ARL6IP6: variants seen among roughly 807,000 people sequenced by gnomAD.
ARL6IP6 encodes the protein ADP-ribosylation factor-like protein 6-interacting protein 6.
In ARL6IP6, 22 loss-of-function variants were observed where a neutral mutation model predicts 21.5. The ratio of observed to expected loss-of-function variants is 1.02; its 90% confidence interval spans 0.73 to 1.46. The LOEUF (loss-of-function observed/expected upper bound fraction) is 1.46. ARL6IP6 is among the 40% of genes most tolerant of loss of function. ARL6IP6 has a pLI of 0.00. For missense variants in ARL6IP6, 388 were observed against 299.8 expected (o/e 1.29, Z -2.17); for synonymous variants, 164 against 125.3 (o/e 1.31, Z -2.06).
intron 3 of ARL6IP6, among the ~76,000 whole-genome samples, chr2:152,751,814 G>C (rs1701345811): frequency 6.6e-6 from 1 of 152,054 alleles, no homozygotes; most frequent in African/African-American, 2.4e-5. Context: ...CTTGACTATT[G>C]TGAATGGTGC....
intron 3 of ARL6IP6, among the ~76,000 whole-genome samples, chr2:152,746,885 G>GC (rs1701082677): frequency 7.4e-6 from 1 of 134,484 alleles, no homozygotes; most frequent in African/African-American, 2.8e-5. Flanking sequence ...GTGCAGAGTG[G>GC]CACAATCATG....
chr2:152,723,118 G>A (rs1401978520), intron 2 of ARL6IP6, among the ~76,000 whole-genome samples: 1 of 152,104 alleles, frequency 6.6e-6, no homozygotes, highest in Non-Finnish European at 1.5e-5. Context: ...CTAAATCAAC[G>A]CTGAGTTGAT....
In ARL6IP6 at chr2:152,722,921, AG is replaced by A. The variant is rs1405123333; in HGVS notation, c.454+2336del. Reference sequence around the variant, plus strand: ...AGACTCCAACTCAAAACAAAACAAAAGATTGAGGTAATTGTGGCAACACCTG... The same window carrying A: ...AGACTCCAACTCAAAACAAAACAAAAATTGAGGTAATTGTGGCAACACCTG... On this transcript the variant is annotated intron_variant, in intron 2 of 3. Coordinates refer to ENST00000326446, the MANE Select transcript of ARL6IP6 (RefSeq NM_152522.7). 3.9e-5 allele frequency among the ~76,000 whole-genome samples: 6 copies of A among 152,160 alleles called. No individual in the cohort carries two copies. The South Asian group carries it at 6.2e-4, about 16-fold the overall frequency.
At chr2:152,729,983 A>G (rs936701179) in intron 2 of ARL6IP6, among the ~76,000 whole-genome samples, 1 of 152,112 alleles carries the variant, frequency 6.6e-6, no homozygotes, top group African/African-American at 2.4e-5. Flanking sequence ...GGGAGTTACC[A>G]TTTTCTGTGG....
intron 3 of ARL6IP6, among the ~76,000 whole-genome samples, chr2:152,749,314 A>AACACAC (rs3080693): frequency 0.31 from 46,298 of 150,064 alleles, 8,658 homozygotes; most frequent in Non-Finnish European, 0.44. Context: ...CACACACAAA[A>AACACAC]ACACACACAC....
intron 2 of ARL6IP6, among the ~76,000 whole-genome samples, chr2:152,722,904 AC>A (rs1699860198): frequency 6.6e-6 from 1 of 152,184 alleles, no homozygotes; most frequent in Admixed American, 6.5e-5. Context: ...CAAGACTCCA[AC>A]TCAAAACAAA....
intron 3 of ARL6IP6, among the ~76,000 whole-genome samples, chr2:152,753,237 C>T (rs1185711954): frequency 6.6e-6 from 1 of 152,150 alleles, no homozygotes; most frequent in East Asian, 1.9e-4. Flanking sequence ...ATCTTGATTA[C>T]TTCTACACTG....
At chr2:152,747,658 C>G (rs541875978) in intron 3 of ARL6IP6, among the ~76,000 whole-genome samples, 2 of 151,988 alleles carry the variant, frequency 1.3e-5, no homozygotes, top group Admixed American at 1.3e-4. Flanking sequence ...TCACTGCAAC[C>G]TCCACCCGCT....
intron 1 of ARL6IP6, among the ~76,000 whole-genome samples, 166 bp downstream of exon 1, chr2:152,719,190 TTTCTAAGTGGAGCGTCCTGATCC>T (rs1256203355): frequency 2.6e-5 from 4 of 152,110 alleles, no homozygotes; most frequent in Admixed American, 1.3e-4. Context: ...CCCTTTGCCT[TTTCTAAGTGGAGCGTCCTGATCC>T]ATGATCAGGA....
intron 2 of ARL6IP6, among the ~76,000 whole-genome samples, chr2:152,727,001 A>G (rs1700079794): frequency 6.6e-6 from 1 of 152,204 alleles, no homozygotes; most frequent in Non-Finnish European, 1.5e-5. Context: ...TATGCTTCTT[A>G]TTGTTTTAGA....
intron 3 of ARL6IP6, among the ~76,000 whole-genome samples, chr2:152,738,163 G>A (rs567445159): frequency 2.0e-5 from 3 of 152,302 alleles, no homozygotes; most frequent in East Asian, 1.9e-4. Flanking sequence ...CTTTGACTCC[G>A]TATCTCACAT....
At chr2:152,730,615 G>C (rs1041500575) in intron 2 of ARL6IP6, among the ~76,000 whole-genome samples, 2 of 152,120 alleles carry the variant, frequency 1.3e-5, no homozygotes, top group African/African-American at 4.8e-5. Context: ...TTCCAGGTTG[G>C]GTTGAGGTGC....
intron 3 of ARL6IP6, among the ~76,000 whole-genome samples, chr2:152,759,315 GAACA>G (rs10559755): frequency 0.32 from 48,453 of 151,694 alleles, 8,890 homozygotes; most frequent in East Asian, 0.7. Context: ...GGTGCAAACA[GAACA>G]AATACTTGAA....
intron 2 of ARL6IP6, among the ~76,000 whole-genome samples, chr2:152,725,617 T>A (rs1700007535): frequency 6.6e-6 from 1 of 152,008 alleles, no homozygotes; most frequent in Non-Finnish European, 1.5e-5. Flanking sequence ...GCTTAAAAAT[T>A]CCTTCAAACA....
chr2:152,718,463 C>A (rs1217179730), upstream of ARL6IP6: 2 of 1,014,086 alleles, frequency 2.0e-6, no homozygotes, highest in Non-Finnish European at 2.7e-6. Context: ...TTTGGCCCTG[C>A]GGCTTCCTTT....
chr2:152,720,242 A>C (rs1699717953), intron 1 of ARL6IP6: 2 of 426,080 alleles, frequency 4.7e-6, no homozygotes, highest in African/African-American at 2.0e-5. Context: ...TTGGAAGAAT[A>C]GAGAAAGGAA....
chr2:152,718,140 G>A (rs545378879), upstream of ARL6IP6: 56 of 847,710 alleles, frequency 6.6e-5, 1 homozygote, highest in South Asian at 2.4e-3. Flanking sequence ...GCCCTTAATG[G>A]GGGAACCTGG....
At chr2:152,740,156 G>A (rs1381338675) in intron 3 of ARL6IP6, among the ~76,000 whole-genome samples, 2 of 152,206 alleles carry the variant, frequency 1.3e-5, no homozygotes, top group African/African-American at 4.8e-5. Context: ...AGGCTGGAGT[G>A]CAGTGGCATG....
intron 3 of ARL6IP6, among the ~76,000 whole-genome samples, chr2:152,747,793 A>T (rs1701126507): frequency 6.6e-6 from 1 of 151,388 alleles, no homozygotes; most frequent in Non-Finnish European, 1.5e-5. Flanking sequence ...CTGGTCTCAA[A>T]CTCCTGGCTT....
Sources: allele counts gnomAD v4.1 joint callset (sites outside exome capture counted in the v4.1 genomes callset), GRCh38; gene constraint gnomAD v4.1.1; transcripts MANE v1.5; gene names NCBI Gene and HGNC (gene_info 2026-07-23, HGNC 2026-07-21).